Variants in POLR3B observed in about 807,000 individuals in gnomAD.
POLR3B encodes RNA polymerase III subunit B.
POLR3B carries 96 observed loss-of-function variants against 147.4 expected under a neutral mutation model. The observed-to-expected ratio is 0.65, with a 90% CI of 0.55 to 0.77. The LOEUF (loss-of-function observed/expected upper bound fraction) is 0.77, where lower values mean the gene tolerates loss of function less well. Ranked by LOEUF, POLR3B falls within the 30% of genes least tolerant of loss-of-function variation. The pLI, the probability that POLR3B is intolerant of heterozygous loss-of-function variation, is 0.00. For synonymous variants in POLR3B, 461 were observed against 485.9 expected (o/e 0.95, Z 0.67); for missense variants, 1,036 against 1,413.5 (o/e 0.73, Z 4.28).
intron 10 of POLR3B, among the ~76,000 whole-genome samples, chr12:106,400,682 C>T (rs549015581): frequency 3.9e-5 from 6 of 152,200 alleles, no homozygotes; most frequent in African/African-American, 9.6e-5. Context: ...CACTCAAAAC[C>T]GCTCAACTAC....
intron 14 of POLR3B, among the ~76,000 whole-genome samples, chr12:106,430,964 GT>G (rs1230177521): frequency 2.0e-5 from 3 of 152,120 alleles, no homozygotes; most frequent in African/African-American, 7.2e-5. Context: ...GTTTACATGG[GT>G]TTACTTCTAT....
intron 14 of POLR3B, 147 bp from the exon 15 acceptor site, chr12:106,432,171 G>A: frequency 1.4e-6 from 1 of 692,606 alleles, no homozygotes. Flanking sequence ...ATTTTTTAAA[G>A]GCATTTGTGC....
At chr12:106,438,300 A>G (rs529163662) in intron 18 of POLR3B, among the ~76,000 whole-genome samples, 79 of 152,268 alleles carry the variant, frequency 5.2e-4, no homozygotes, top group African/African-American at 1.9e-3. Context: ...GAAATATACA[A>G]TTTTATAGCA....
chr12:106,380,157 T>C lies in POLR3B; in HGVS notation c.723+18T>C, dbSNP rs781652845. ...TATTTAAGGTAAAGCTGCAGCTCTCTTCTGAAAATTGTAAGAATTCTTTCT... is the reference window on the plus strand; with the variant it reads ...TATTTAAGGTAAAGCTGCAGCTCTCCTCTGAAAATTGTAAGAATTCTTTCT... On this transcript the variant is annotated intron_variant, in intron 9 of 27. Coordinates refer to ENST00000228347, the MANE Select transcript of POLR3B (RefSeq NM_018082.6). 1 of 1,325,514 alleles carries C rather than the reference T, an allele frequency of 7.5e-7. No individual in the cohort carries two copies. The highest frequency in any genetic ancestry group is 1.1e-6 in the Non-Finnish European group (1 of 917,136). The allele number at this position is 1,325,514 out of a possible 1,614,324, so 82.1% of individuals were successfully genotyped here. A position where few individuals can be genotyped will look rare whatever the true frequency, so the allele number is the denominator to read the frequency against.
intron 1 of POLR3B, among the ~76,000 whole-genome samples, chr12:106,360,289 G>C (rs2036452156): frequency 1.3e-5 from 2 of 152,142 alleles, no homozygotes; most frequent in Admixed American, 1.3e-4. Flanking sequence ...GCAAAATCTA[G>C]TGTTTACCAT....
chr12:106,369,411 AT>A (rs2036574423), intron 5 of POLR3B, 61 bp downstream of exon 5: 1 of 1,028,216 alleles, frequency 9.7e-7, no homozygotes, highest in Non-Finnish European at 1.6e-6. Context: ...TGCCCTTAAT[AT>A]ATACTCTTAA....
intron 9 of POLR3B, among the ~76,000 whole-genome samples, chr12:106,381,001 C>T (rs1006536574): frequency 6.6e-5 from 10 of 152,044 alleles, no homozygotes; most frequent in South Asian, 2.1e-4. Context: ...TGTGCAATAG[C>T]GTTATGTATA....
Position 106,432,366 on chromosome 12 carries a change from G to A in POLR3B, c.1513G>A (p.Asp505Asn). 1.2e-6 allele frequency: 2 copies of A among 1,613,764 alleles called. No individual in the cohort carries two copies. The highest frequency in any genetic ancestry group is 1.7e-6 in the Non-Finnish European group (2 of 1,179,670). Residue 505 changes from aspartate to asparagine, a missense_variant, in exon 15 of 28, where the codon GAT becomes AAT. Physicochemically the swap from Asp to Asn is conservative, Grantham distance 23 (BLOSUM62 1). Coordinates refer to ENST00000228347, the MANE Select transcript of POLR3B (RefSeq NM_018082.6). Reference protein sequence around the residue: ...NLALMTHITTDMEDGPIVKLA... With the variant: ...NLALMTHITTNMEDGPIVKLA... ...GGCCCTTATGACACACATCACAACT[G>A]ATATGGAAGATGGACCCATTGTTAA...
chr12:106,486,287 CAAAAAAAAAAAAAA>C (rs1195017160), intron 23 of POLR3B, among the ~76,000 whole-genome samples: 14 of 28,278 alleles, frequency 5.0e-4, no homozygotes, highest in Middle Eastern at 0.036. Flanking sequence ...GACTCCGTCT[CAAAAAAAAAAAAAA>C]AAAAAAAAAA....
intron 23 of POLR3B, among the ~76,000 whole-genome samples, chr12:106,470,037 A>G (rs2038068399): frequency 6.6e-6 from 1 of 152,170 alleles, no homozygotes; most frequent in African/African-American, 2.4e-5. Flanking sequence ...TAATATCCTG[A>G]AGAGTGTTTC....
chr12:106,419,267 A>C, intron 12 of POLR3B, among the ~76,000 whole-genome samples: 1 of 152,202 alleles, frequency 6.6e-6, no homozygotes, highest in East Asian at 1.9e-4. Flanking sequence ...TTTTTAGAAC[A>C]CTTCTGACAT....
intron 19 of POLR3B, among the ~76,000 whole-genome samples, chr12:106,449,659 TA>T (rs1292175194): frequency 6.6e-6 from 1 of 152,202 alleles, no homozygotes; most frequent in East Asian, 1.9e-4. Context: ...TGGATTATCA[TA>T]AAGGTCTTTA....
chr12:106,401,793 G>A (rs1177218305), intron 10 of POLR3B, among the ~76,000 whole-genome samples: 2 of 152,088 alleles, frequency 1.3e-5, no homozygotes, highest in African/African-American at 2.4e-5. Context: ...AATAAATTAG[G>A]TATTGATGGG....
intron 16 of POLR3B, among the ~76,000 whole-genome samples, chr12:106,434,772 T>G (rs2037555093): frequency 6.6e-6 from 1 of 152,164 alleles, no homozygotes; most frequent in Non-Finnish European, 1.5e-5. Flanking sequence ...ACTGCATGCT[T>G]TCTTTCCTCC....
Position 106,378,270 on chromosome 12 carries a change from G to A in POLR3B, c.500G>A (p.Gly167Asp), listed in dbSNP as rs2036708824. Residue 167 changes from glycine (G) to aspartate (D), a missense_variant, in exon 8 of 28, where the codon GGC becomes GAC. Transcript: ENST00000228347. The part of the protein sequence containing the change: ...KLNECPLDPG[G>D]YFIVKGVEKV... The stretch of plus-strand genomic sequence containing the variant: ...TTTTCTTGTTTCCTTTGGGTAGGTG[G>A]CTACTTCATTGTTAAAGGAGTAGAA... 2 of 1,586,728 alleles carry A rather than the reference G, an allele frequency of 1.3e-6. No individual in the cohort carries two copies. Among genetic ancestry groups the A allele is most frequent in the Non-Finnish European group, 1.7e-6 (2 of 1,154,896 alleles).
In POLR3B at chr12:106,467,668, G is replaced by A. The variant is rs1047147880; in HGVS notation, c.2713+4048G>A. 5.6e-4 allele frequency among the ~76,000 whole-genome samples: 85 copies of A among 152,208 alleles called. 1 individual carries two copies. Among genetic ancestry groups the A allele is most frequent in the Non-Finnish European group, 2.2e-4 (15 of 68,032 alleles). The stretch of plus-strand genomic sequence containing the variant: ...TTGAGAGTTTTCAGCATGAAAGGCT[G>A]TTGAATTTTGTCAAAGGCCTTTTCT... On this transcript the variant is annotated intron_variant, in intron 23 of 27. Transcript: ENST00000228347.
At position 106,363,903 on chromosome 12, in the gene POLR3B, G is replaced by A; in HGVS notation, c.105+1G>A. Reference sequence around the variant, plus strand: ...GAGGCTGCTTCCAGCATTTTTAAAGGTAATTGTTTCACATTTAATAATAAT... The same window carrying A: ...GAGGCTGCTTCCAGCATTTTTAAAGATAATTGTTTCACATTTAATAATAAT... On this transcript the variant is annotated splice_donor_variant, in intron 2 of 27. Coordinates refer to ENST00000228347, the MANE Select transcript of POLR3B (RefSeq NM_018082.6). LOFTEE classifies it high-confidence loss of function. 1.2e-6 allele frequency: 2 copies of A among 1,601,622 alleles called. No homozygotes were observed. The highest frequency in any genetic ancestry group is 1.7e-6 in the Non-Finnish European group (2 of 1,169,740).
intron 23 of POLR3B, among the ~76,000 whole-genome samples, chr12:106,469,534 C>T (rs57806990): frequency 0.088 from 13,429 of 152,148 alleles, 639 homozygotes; most frequent in Middle Eastern, 0.13. Flanking sequence ...GATGCAGTTT[C>T]TTCATAGCAT....
intron 27 of POLR3B, 49 bp from the exon 28 acceptor site, chr12:106,509,371 T>C (rs750620371): frequency 1.4e-5 from 22 of 1,608,304 alleles, no homozygotes; most frequent in Non-Finnish European, 1.8e-5. Context: ...CGTGGAGGCC[T>C]TTGTTTCCGA....
Sources: gnomAD v4.1 joint callset for allele counts (sites outside exome capture counted in the v4.1 genomes callset) on GRCh38, gnomAD v4.1.1 for gene constraint, MANE v1.5 for transcripts, NCBI Gene and HGNC (gene_info 2026-07-23, HGNC 2026-07-21) for gene names.